Variants in BRINP3 observed in about 807,000 individuals in gnomAD.
BRINP3 encodes the protein BMP/retinoic acid-inducible neural-specific protein 3.
In BRINP3, 19 loss-of-function variants were observed where a neutral mutation model predicts 71.0. That is an observed-to-expected ratio of 0.27 (90% CI 0.19 to 0.39). BRINP3 has a LOEUF of 0.39. BRINP3 is among the 10% of genes least tolerant of loss of function. The pLI is 1.00. For missense variants in BRINP3, 959 were observed against 940.8 expected (o/e 1.02, Z -0.25); for synonymous variants, 380 against 337.7 (o/e 1.13, Z -1.37).
intron 2 of BRINP3, among the ~76,000 whole-genome samples, chr1:190,291,254 T>C (rs968371165): frequency 3.3e-5 from 5 of 152,066 alleles, no homozygotes; most frequent in East Asian, 1.9e-4. Context: ...GTTACTTTAA[T>C]AGGTGATATA....
chr1:190,409,381 G>C (rs1672511390), intron 2 of BRINP3, among the ~76,000 whole-genome samples: 1 of 152,078 alleles, frequency 6.6e-6, no homozygotes. Context: ...GCATAGTTTA[G>C]AAAAACACAC....
chr1:190,123,328 C>T (rs1653834895), intron 7 of BRINP3, among the ~76,000 whole-genome samples: 1 of 152,112 alleles, frequency 6.6e-6, no homozygotes, highest in African/African-American at 2.4e-5. Flanking sequence ...GATGCTTATA[C>T]TGCTTGCTTT....
intron 3 of BRINP3, among the ~76,000 whole-genome samples, chr1:190,280,745 T>A (rs1662971479): frequency 6.6e-6 from 1 of 151,950 alleles, no homozygotes; most frequent in Non-Finnish European, 1.5e-5. Context: ...TCCTATTCAA[T>A]TTTATACAGT....
chr1:190,317,267 G>C (rs1415367661), intron 2 of BRINP3, among the ~76,000 whole-genome samples: 1 of 150,724 alleles, frequency 6.6e-6, no homozygotes, highest in Non-Finnish European at 1.5e-5. Flanking sequence ...TTCTTGAGAA[G>C]AAATGGGGCA....
chr1:190,208,252 C>T (rs910389631), intron 6 of BRINP3, among the ~76,000 whole-genome samples: 5 of 151,916 alleles, frequency 3.3e-5, no homozygotes, highest in African/African-American at 9.7e-5. Flanking sequence ...GCCACTGTGC[C>T]CGGCCCTGTA....
In BRINP3 at chr1:190,160,857, A is replaced by G. The variant is rs1331236092; in HGVS notation, c.995T>C (p.Met332Thr). ...AGTAGATGTGTTGAGGAAATAATTC[A>G]TAGGTAGCCTTTTCATAAATAACTT... ...EFKLFMKRLP[M>T]NYFLNTSTIM... The change falls in exon 7 of 8, where the codon ATG becomes ACG. Residue 332 changes from methionine (M) to threonine (T), a missense_variant. Transcript: ENST00000367462. The G allele has an allele frequency of 6.2e-7, 1 of 1,607,782 alleles. No homozygotes were observed. The highest frequency in any genetic ancestry group is 1.1e-5 in the South Asian group (1 of 89,436).
chr1:190,415,841 T>A (rs1045578406), intron 2 of BRINP3, among the ~76,000 whole-genome samples: 3 of 152,182 alleles, frequency 2.0e-5, no homozygotes, highest in Admixed American at 2.0e-4. Flanking sequence ...AGTTTGAGAA[T>A]GCAGTGAGTG....
chr1:190,434,389 C>T (rs963016280), intron 2 of BRINP3, among the ~76,000 whole-genome samples: 1 of 151,988 alleles, frequency 6.6e-6, no homozygotes, highest in African/African-American at 2.4e-5. Context: ...AGATTACAGG[C>T]ATGACCCACC....
At chr1:190,189,230 C>G (rs571748236) in intron 6 of BRINP3, among the ~76,000 whole-genome samples, 9 of 151,974 alleles carry the variant, frequency 5.9e-5, no homozygotes, top group Non-Finnish European at 1.0e-4. Flanking sequence ...ATTAATTGTT[C>G]TTTAAAAGTT....
chr1:190,325,365 T>C (rs750270584), intron 2 of BRINP3, among the ~76,000 whole-genome samples: 21 of 152,006 alleles, frequency 1.4e-4, no homozygotes, highest in Non-Finnish European at 2.8e-4. Flanking sequence ...CCTATACTAG[T>C]GATAAATTGA....
In BRINP3 at chr1:190,097,948, A is replaced by C; in HGVS notation, c.*70T>G. 5 of 1,465,090 alleles carry C rather than the reference A, an allele frequency of 3.4e-6. No individual in the cohort carries two copies. Among genetic ancestry groups the C allele is most frequent in the Non-Finnish European group, 4.6e-6 (5 of 1,088,808 alleles). The allele number at this position is 1,465,090 out of a possible 1,614,324, so 90.8% of individuals were successfully genotyped here. On this transcript the variant is annotated 3_prime_UTR_variant, in exon 8 of 8. Transcript: ENST00000367462. ...AAGACAATTTAAATTTACTCTTCCA[A>C]ACATAAACTGTTCCACAAAAGCACT...
chr1:190,318,675 T>A (rs920339631), intron 2 of BRINP3, among the ~76,000 whole-genome samples: 6 of 152,046 alleles, frequency 3.9e-5, no homozygotes, highest in Admixed American at 3.9e-4. Flanking sequence ...CACAGAGATT[T>A]TTTTTTTCCA....
chr1:190,264,962 A>G lies in BRINP3; in HGVS notation c.521T>C (p.Leu174Pro). Residue 174 changes from leucine (L) to proline (P), a missense_variant, in exon 4 of 8, where the codon CTG (leucine) becomes CCG (proline). Leu to Pro is a moderately conservative substitution (Grantham distance 98). Coordinates refer to ENST00000367462, the MANE Select transcript of BRINP3 (RefSeq NM_199051.3). The part of the protein sequence containing the change: ...DSTTNSSSVT[L>P]ETLHQLAASY... ...AGCGGCTAGCTGATGTAGCGTCTCC[A>G]GAGTGACCGAAGAGCTATTGGTGGT... 1.2e-6 allele frequency: 2 copies of G among 1,612,970 alleles called. No homozygotes were observed. Among genetic ancestry groups the G allele is most frequent in the Non-Finnish European group, 1.7e-6 (2 of 1,179,604 alleles).
At chr1:190,246,519 T>A (rs2102794082) in intron 4 of BRINP3, among the ~76,000 whole-genome samples, 1 of 151,862 alleles carries the variant, frequency 6.6e-6, no homozygotes, top group Admixed American at 6.6e-5. Context: ...AAAAAAAAAA[T>A]CAGACAGGAG....
intron 7 of BRINP3, among the ~76,000 whole-genome samples, chr1:190,101,699 CCTGAAACCAAAG>C (rs2102244836): frequency 6.6e-6 from 1 of 152,026 alleles, no homozygotes; most frequent in East Asian, 1.9e-4. Context: ...TATTTTCTTC[CCTGAAACCAAAG>C]AATTAATTCC....
intron 6 of BRINP3, among the ~76,000 whole-genome samples, chr1:190,178,917 A>G (rs73056734): frequency 5.2e-4 from 79 of 152,292 alleles, no homozygotes; most frequent in African/African-American, 1.9e-3. Flanking sequence ...AAATATTTCC[A>G]TGAATGAAAT....
intron 6 of BRINP3, among the ~76,000 whole-genome samples, chr1:190,213,717 C>T (rs1441918997): frequency 2.6e-5 from 4 of 151,722 alleles, no homozygotes. Flanking sequence ...CCATTGAACT[C>T]CAAAGCCCAA....
chr1:190,333,138 C>A (rs1367149852), intron 2 of BRINP3, among the ~76,000 whole-genome samples: 4 of 151,916 alleles, frequency 2.6e-5, no homozygotes, highest in Admixed American at 1.3e-4. Context: ...AAAAAATGAT[C>A]TTATTTAATT....
At chr1:190,280,519 A>G (rs12060429) in intron 3 of BRINP3, among the ~76,000 whole-genome samples, 3 of 151,748 alleles carry the variant, frequency 2.0e-5, no homozygotes, top group Non-Finnish European at 2.9e-5. Context: ...GTGAGGAAAG[A>G]GTTTGATATG....
Sources: allele counts gnomAD v4.1 joint callset (sites outside exome capture counted in the v4.1 genomes callset), GRCh38; gene constraint gnomAD v4.1.1; transcripts MANE v1.5; gene names NCBI Gene and HGNC (gene_info 2026-07-23, HGNC 2026-07-21).